PRMT3: variants seen among roughly 807,000 people sequenced by gnomAD.
The protein encoded by PRMT3 is protein arginine N-methyltransferase 3.
In PRMT3, 62 loss-of-function variants were observed where a neutral mutation model predicts 71.9. That is an observed-to-expected ratio of 0.86 (90% CI 0.70 to 1.07). PRMT3 has a LOEUF of 1.07. PRMT3 is among the 50% of genes least tolerant of loss of function. The pLI is 0.00. For missense variants in PRMT3, 663 were observed against 643.0 expected, an observed-to-expected ratio of 1.03 and a Z score of -0.34; for synonymous variants, 213 against 220.4, an observed-to-expected ratio of 0.97 and a Z score of 0.30.
chr11:20,397,584 G>T lies in PRMT3; in HGVS notation c.568G>T (p.Ala190Ser), dbSNP rs1046328626. 5.0e-6 allele frequency: 8 copies of T among 1,613,962 alleles called. No individual in the cohort carries two copies. Among genetic ancestry groups the T allele is most frequent in the Non-Finnish European group, 5.9e-6 (7 of 1,179,946 alleles). Residue 190 changes from alanine (A) to serine (S), a missense_variant, in exon 7 of 16, where the codon GCT becomes TCT. Ala to Ser is a moderately conservative substitution (Grantham distance 99). Coordinates refer to ENST00000331079, the MANE Select transcript of PRMT3 (RefSeq NM_005788.4). ...REDLQKMKQF[A>S]QDFVMHTDVR... is the part of the protein sequence containing the mutation. Reference sequence around the variant, plus strand: ...ATTTCAAATTGATTACAGACAATTTGCTCAGGATTTTGTGATGCACACAGA... The same window carrying T: ...ATTTCAAATTGATTACAGACAATTTTCTCAGGATTTTGTGATGCACACAGA...
At chr11:20,507,149 A>G (rs116079284) in intron 15 of PRMT3, among the ~76,000 whole-genome samples, 2 of 152,346 alleles carry the variant, frequency 1.3e-5, no homozygotes, top group African/African-American at 4.8e-5. Flanking sequence ...CTGGTTCTCC[A>G]TGACTTCAGC....
At chr11:20,497,513 G>A (rs1389861403) in intron 15 of PRMT3, among the ~76,000 whole-genome samples, 2 of 5,152 alleles carry the variant, frequency 3.9e-4, no homozygotes, top group East Asian at 1.6e-3. Context: ...AAAGGATCAT[G>A]TAAGTGTTAA....
chr11:20,443,744 G>C (rs904685491), intron 10 of PRMT3, among the ~76,000 whole-genome samples: 2 of 152,144 alleles, frequency 1.3e-5, no homozygotes, highest in African/African-American at 2.4e-5. Context: ...TTATTGGGCG[G>C]TTTTCTGCAG....
chr11:20,473,249 G>C (rs190512178), intron 13 of PRMT3, among the ~76,000 whole-genome samples: 3 of 151,524 alleles, frequency 2.0e-5, no homozygotes, highest in African/African-American at 7.3e-5. Context: ...CTCTAATCTC[G>C]GTTATTTCTT....
intron 13 of PRMT3, among the ~76,000 whole-genome samples, chr11:20,488,074 T>C (rs1016926711): frequency 1.3e-5 from 2 of 152,178 alleles, no homozygotes; most frequent in African/African-American, 4.8e-5. Context: ...TGGCACTTAA[T>C]GTGTATTGTT....
intron 3 of PRMT3, 29 bp from the exon 4 acceptor site, chr11:20,392,182 A>G (rs764939831): frequency 6.4e-7 from 1 of 1,564,560 alleles, no homozygotes; most frequent in South Asian, 1.1e-5. Flanking sequence ...TTATGTTAAC[A>G]TAGGTGAATT....
intron 9 of PRMT3, among the ~76,000 whole-genome samples, chr11:20,420,330 A>G (rs200192069): frequency 1.3e-5 from 2 of 152,212 alleles, no homozygotes; most frequent in East Asian, 3.8e-4. Context: ...CAATGTATCT[A>G]TGTATTTAAA....
At chr11:20,460,007 G>A (rs1850347566) in intron 11 of PRMT3, among the ~76,000 whole-genome samples, 1 of 152,166 alleles carries the variant, frequency 6.6e-6, no homozygotes, top group African/African-American at 2.4e-5. Context: ...GAAGACTTGA[G>A]AAACTTCTTA....
At chr11:20,398,024 A>AG (rs1334497788) in intron 7 of PRMT3, among the ~76,000 whole-genome samples, 1 of 151,344 alleles carries the variant, frequency 6.6e-6, no homozygotes, top group East Asian at 1.9e-4. Flanking sequence ...AAAAAAAAAA[A>AG]AAAAAAAAAG....
chr11:20,389,167 T>C (rs999201839), intron 2 of PRMT3, among the ~76,000 whole-genome samples: 10 of 152,240 alleles, frequency 6.6e-5, no homozygotes, highest in Non-Finnish European at 1.0e-4. Context: ...TGCTGTGTAT[T>C]CCTGTCTTTA....
intron 10 of PRMT3, among the ~76,000 whole-genome samples, chr11:20,442,537 A>G (rs1220899049): frequency 6.6e-6 from 1 of 152,130 alleles, no homozygotes; most frequent in Non-Finnish European, 1.5e-5. Context: ...AAGTTAGCAT[A>G]TTCTAGATAT....
chr11:20,394,445 T>G (rs759263923), intron 5 of PRMT3, among the ~76,000 whole-genome samples: 30 of 152,338 alleles, frequency 2.0e-4, no homozygotes, highest in Non-Finnish European at 3.1e-4. Context: ...AGGAATGTTT[T>G]TTTTTTCCTC....
At chr11:20,397,502 TCCTCAA>T in intron 6 of PRMT3, 69 bp from the exon 7 acceptor site, 1 of 1,486,488 alleles carries the variant, frequency 6.7e-7, no homozygotes. Flanking sequence ...CCTTTCCTCT[TCCTCAA>T]CCTCTAGCCT....
intron 9 of PRMT3, among the ~76,000 whole-genome samples, chr11:20,410,258 T>G (rs1849165960): frequency 6.6e-6 from 1 of 152,116 alleles, no homozygotes; most frequent in Non-Finnish European, 1.5e-5. Flanking sequence ...GACATATACA[T>G]TTAACATTCA....
At chr11:20,481,168 T>C (rs565055903) in intron 13 of PRMT3, among the ~76,000 whole-genome samples, 27 of 152,214 alleles carry the variant, frequency 1.8e-4, no homozygotes, top group African/African-American at 6.0e-4. Flanking sequence ...TCCTTGAGGC[T>C]GTTGGATTCC....
intron 13 of PRMT3, among the ~76,000 whole-genome samples, chr11:20,473,131 C>A (rs1579777): frequency 0.075 from 11,364 of 151,784 alleles, 531 homozygotes; most frequent in East Asian, 0.2. Context: ...TTCTTCTATT[C>A]TTTATTATCT....
At chr11:20,494,135 T>TC (rs1311460804) in intron 14 of PRMT3, 32 bp from the exon 15 acceptor site, 1 of 1,549,224 alleles carries the variant, frequency 6.5e-7, no homozygotes, top group Non-Finnish European at 8.9e-7. Flanking sequence ...ATCTTGTACT[T>TC]CATCAAATAC....
intron 13 of PRMT3, 97 bp downstream of exon 13, chr11:20,464,643 G>A: frequency 4.6e-6 from 7 of 1,533,072 alleles, no homozygotes; most frequent in Non-Finnish European, 6.1e-6. Flanking sequence ...AAATGAAAAT[G>A]ACTATTGCCT....
chr11:20,492,448 C>A (rs561374002), intron 13 of PRMT3, among the ~76,000 whole-genome samples: 2 of 152,058 alleles, frequency 1.3e-5, no homozygotes, highest in Non-Finnish European at 2.9e-5. Context: ...TATTTTGATT[C>A]TCTCTTGGTA....
Sources: allele counts gnomAD v4.1 joint callset (sites outside exome capture counted in the v4.1 genomes callset), GRCh38; gene constraint gnomAD v4.1.1; transcripts MANE v1.5; gene names NCBI Gene and HGNC (gene_info 2026-07-23, HGNC 2026-07-21).